PRKCE: variants seen among roughly 807,000 people sequenced by gnomAD.
The protein encoded by PRKCE is protein kinase C epsilon type.
Under a neutral mutation model 85.4 loss-of-function variants are expected in PRKCE, and 16 were observed. The observed-to-expected ratio is 0.19, with a 90% CI of 0.13 to 0.28. The LOEUF (loss-of-function observed/expected upper bound fraction) is 0.28. PRKCE is among the 10% of genes least tolerant of loss of function. PRKCE has a pLI of 1.00. For synonymous variants in PRKCE, 388 were observed against 371.5 expected (o/e 1.04, Z -0.51); for missense variants, 573 against 975.2 (o/e 0.59, Z 5.49).
intron 2 of PRKCE, chr2:45,852,148 C>T (rs773476789): frequency 2.6e-5 from 4 of 152,224 alleles, no homozygotes; most frequent in Non-Finnish European, 5.9e-5. Flanking sequence ...TTAGCTCTGC[C>T]CTTCTACCCA....
chr2:46,018,003 T>C (rs569648091), intron 10 of PRKCE, among the ~76,000 whole-genome samples: 11 of 152,176 alleles, frequency 7.2e-5, no homozygotes, highest in Non-Finnish European at 1.5e-4. Flanking sequence ...CCAATTCCTG[T>C]CACACACATG....
rs1323331646 is a variant in PRKCE at position 45,907,372 on chromosome 2, G to T, written c.412+64309G>T. Among the ~76,000 whole-genome samples, 2 of 152,212 alleles carry T rather than the reference G, an allele frequency of 1.3e-5. No individual in the cohort carries two copies. Among genetic ancestry groups the T allele is most frequent in the Non-Finnish European group, 2.9e-5 (2 of 68,040 alleles). On this transcript the variant is annotated intron_variant, in intron 2 of 14. Transcript: ENST00000306156. The surrounding 1 kb of genome is among the most constrained non-coding windows in gnomAD (Gnocchi z 4.5). The stretch of plus-strand genomic sequence containing the variant: ...TCTGAATGCACTGGATTGTGTCTGG[G>T]TTCAAAAGCCAAGAACATCTGCGAG...
chr2:45,868,974 G>GA (rs1350575037), intron 2 of PRKCE, among the ~76,000 whole-genome samples: 2 of 140,446 alleles, frequency 1.4e-5, no homozygotes, highest in Non-Finnish European at 3.1e-5. Flanking sequence ...AAAAAAAAAA[G>GA]AAAAAAGAAA....
chr2:45,878,939 T>C (rs747488530), intron 2 of PRKCE, among the ~76,000 whole-genome samples: 43 of 152,328 alleles, frequency 2.8e-4, no homozygotes, highest in Non-Finnish European at 5.7e-4. Flanking sequence ...TCTTTTTAAA[T>C]TGACATAAAA....
intron 1 of PRKCE, among the ~76,000 whole-genome samples, chr2:45,807,478 C>G (rs1011382414): frequency 2.0e-5 from 3 of 152,210 alleles, no homozygotes; most frequent in African/African-American, 7.2e-5. Context: ...TTGGTGTCTC[C>G]TAATCCCATT....
chr2:45,778,094 T>C (rs975784127), intron 1 of PRKCE, among the ~76,000 whole-genome samples: 14 of 136,862 alleles, frequency 1.0e-4, no homozygotes, highest in African/African-American at 3.4e-4. Flanking sequence ...ATTGGGAGCA[T>C]TGAGGAAGAG....
intron 2 of PRKCE, among the ~76,000 whole-genome samples, chr2:45,930,206 A>G (rs534507906): frequency 2.0e-5 from 3 of 152,366 alleles, no homozygotes; most frequent in Non-Finnish European, 4.4e-5. Flanking sequence ...TAGCAGAAGA[A>G]GATGTCACAG....
chr2:45,970,687 A>G (rs78582444), intron 2 of PRKCE, among the ~76,000 whole-genome samples: 8,355 of 152,126 alleles, frequency 0.055, 370 homozygotes, highest in South Asian at 0.13. Context: ...TATGAACTCT[A>G]TATTAGATAA....
At chr2:46,135,174 G>A (rs1262601743) in intron 11 of PRKCE, among the ~76,000 whole-genome samples, 1 of 152,146 alleles carries the variant, frequency 6.6e-6, no homozygotes, top group East Asian at 1.9e-4. Flanking sequence ...CAGTTGAGAG[G>A]ACATCTATTT....
intron 11 of PRKCE, among the ~76,000 whole-genome samples, chr2:46,123,500 C>A (rs1673544241): frequency 6.6e-6 from 1 of 151,864 alleles, no homozygotes; most frequent in East Asian, 1.9e-4. Flanking sequence ...TCCTTTCTTT[C>A]TTTTTGAAGA....
At chr2:45,713,529 A>G (rs997724332) in intron 1 of PRKCE, among the ~76,000 whole-genome samples, 2 of 152,194 alleles carry the variant, frequency 1.3e-5, no homozygotes, top group African/African-American at 2.4e-5. Flanking sequence ...CATCCGGACC[A>G]ACAAAAAAGT....
intron 1 of PRKCE, among the ~76,000 whole-genome samples, chr2:45,745,613 T>TA (rs919716069): frequency 1.3e-5 from 2 of 152,214 alleles, no homozygotes; most frequent in African/African-American, 4.8e-5. Flanking sequence ...TATGGGGTGT[T>TA]AAAAAAATTA....
At chr2:45,916,966 C>T (rs956680390) in intron 2 of PRKCE, among the ~76,000 whole-genome samples, 1 of 152,156 alleles carries the variant, frequency 6.6e-6, no homozygotes, top group Non-Finnish European at 1.5e-5. Context: ...CTCATAAAGG[C>T]AGTGTGGACC....
At chr2:45,776,272 C>G (rs1685742292) in intron 1 of PRKCE, among the ~76,000 whole-genome samples, 1 of 152,230 alleles carries the variant, frequency 6.6e-6, no homozygotes, top group African/African-American at 2.4e-5. Flanking sequence ...AAACTCTCCT[C>G]ACTTTCTGAG....
chr2:46,010,908 C>G (rs1289740339), intron 10 of PRKCE: 2 of 1,466,472 alleles, frequency 1.4e-6, no homozygotes, highest in Non-Finnish European at 1.8e-6. Context: ...GTAAAGGCCA[C>G]CTTAATCTCT....
intron 2 of PRKCE, among the ~76,000 whole-genome samples, chr2:45,923,269 A>G (rs1460390166): frequency 6.6e-6 from 1 of 152,228 alleles, no homozygotes; most frequent in Non-Finnish European, 1.5e-5. Flanking sequence ...TGTGACACAT[A>G]TACCTCTTCT....
intron 2 of PRKCE, among the ~76,000 whole-genome samples, chr2:45,886,701 G>A (rs901911313): frequency 1.3e-5 from 2 of 152,178 alleles, no homozygotes; most frequent in African/African-American, 4.8e-5. Context: ...TCTAAAGGAA[G>A]CATTGCACTT....
intron 2 of PRKCE, among the ~76,000 whole-genome samples, chr2:45,893,260 C>A (rs1695869586): frequency 6.6e-6 from 1 of 152,134 alleles, no homozygotes. Flanking sequence ...GACTGCAGTC[C>A]GGCAGGGTCA....
intron 10 of PRKCE, among the ~76,000 whole-genome samples, chr2:46,058,638 C>T (rs1558404955): frequency 6.6e-6 from 1 of 152,088 alleles, no homozygotes; most frequent in Non-Finnish European, 1.5e-5. Context: ...AGACAGGCCT[C>T]GACACTTCCA....
Sources: allele counts gnomAD v4.1 joint callset (sites outside exome capture counted in the v4.1 genomes callset), GRCh38; gene constraint gnomAD v4.1.1; non-coding constraint Gnocchi (gnomAD v3.1); transcripts MANE v1.5; gene names NCBI Gene and HGNC (gene_info 2026-07-23, HGNC 2026-07-21).